The following NKAIN2 variants were observed in gnomAD, a reference collection of about 807,000 sequenced individuals.
NKAIN2 encodes the protein sodium/potassium transporting ATPase interacting 2, also known as sodium/potassium-transporting ATPase subunit beta-1-interacting protein 2.
Under a neutral mutation model 32.6 loss-of-function variants are expected in NKAIN2, and 14 were observed. The observed-to-expected ratio is 0.43, with a 90% CI of 0.28 to 0.67. The LOEUF is 0.67. Ranked by LOEUF, NKAIN2 falls within the 30% of genes least tolerant of loss-of-function variation. The pLI is 0.17. For synonymous variants in NKAIN2, 80 were observed against 87.2 expected, an observed-to-expected ratio of 0.92 and a Z score of 0.46; for missense variants, 198 against 258.3, an observed-to-expected ratio of 0.77 and a Z score of 1.60.
intron 1 of NKAIN2, among the ~76,000 whole-genome samples, chr6:124,202,023 C>T (rs1441693297): frequency 6.6e-6 from 1 of 151,842 alleles, no homozygotes; most frequent in Non-Finnish European, 1.5e-5. Context: ...TCTCAGACTA[C>T]CTGTAAAAGA....
chr6:124,249,199 T>A (rs1295599278), intron 1 of NKAIN2, among the ~76,000 whole-genome samples: 1 of 152,132 alleles, frequency 6.6e-6, no homozygotes, highest in Admixed American at 6.6e-5. Context: ...TTCAATGGAT[T>A]AGTCTAAGGT....
intron 1 of NKAIN2, among the ~76,000 whole-genome samples, chr6:123,806,526 G>A (rs1241320480): frequency 6.6e-6 from 1 of 152,012 alleles, no homozygotes; most frequent in Non-Finnish European, 1.5e-5. Context: ...TAGTTGCAAA[G>A]CCCTGCACTA....
At chr6:124,019,495 A>C (rs1780763375) in intron 1 of NKAIN2, among the ~76,000 whole-genome samples, 1 of 152,152 alleles carries the variant, frequency 6.6e-6, no homozygotes, top group African/African-American at 2.4e-5. Context: ...TCTGGCATTT[A>C]ATGTAAATTA....
intron 1 of NKAIN2, among the ~76,000 whole-genome samples, chr6:124,260,532 C>T (rs146186598): frequency 2.7e-3 from 411 of 152,152 alleles, no homozygotes; most frequent in African/African-American, 9.3e-3. Flanking sequence ...AGAATGCCTG[C>T]TGTGTTCAAG....
intron 3 of NKAIN2, among the ~76,000 whole-genome samples, chr6:124,523,253 G>T (rs1202691695): frequency 6.6e-6 from 1 of 151,628 alleles, no homozygotes; most frequent in Non-Finnish European, 1.5e-5. Context: ...CATGAGTTCA[G>T]AATTATGTTC....
At chr6:124,461,099 T>C (rs1776513544) in intron 3 of NKAIN2, among the ~76,000 whole-genome samples, 1 of 151,868 alleles carries the variant, frequency 6.6e-6, no homozygotes. Context: ...GAATTCTGTA[T>C]ACAAAGTTTT....
At chr6:124,414,464 C>T (rs773826064) in intron 3 of NKAIN2, among the ~76,000 whole-genome samples, 33 of 152,080 alleles carry the variant, frequency 2.2e-4, no homozygotes, top group South Asian at 1.5e-3. Flanking sequence ...CTATAATTTT[C>T]GTTACTTGTA....
chr6:123,882,271 A>G (rs1773489815), intron 1 of NKAIN2, among the ~76,000 whole-genome samples: 1 of 152,000 alleles, frequency 6.6e-6, no homozygotes, highest in South Asian at 2.1e-4. Context: ...TTTGGCCATT[A>G]ATTATGAAAA....
At chr6:124,200,616 T>C (rs1158174956) in intron 1 of NKAIN2, among the ~76,000 whole-genome samples, 1 of 152,132 alleles carries the variant, frequency 6.6e-6, no homozygotes, top group East Asian at 1.9e-4. Flanking sequence ...ATTTCACATA[T>C]GTATTGTCTT....
At chr6:124,679,008 G>A (rs1404363568) in intron 4 of NKAIN2, among the ~76,000 whole-genome samples, 3 of 151,868 alleles carry the variant, frequency 2.0e-5, no homozygotes, top group Non-Finnish European at 4.4e-5. Context: ...GTGCATGTCA[G>A]AAGTACCAAA....
intron 3 of NKAIN2, among the ~76,000 whole-genome samples, chr6:124,530,315 G>C (rs1411305350): frequency 1.3e-5 from 2 of 152,116 alleles, no homozygotes; most frequent in African/African-American, 4.8e-5. Context: ...TCATAAAGAA[G>C]AGAAAATATA....
At chr6:124,554,898 C>T (rs1474902980) in intron 3 of NKAIN2, among the ~76,000 whole-genome samples, 1 of 152,142 alleles carries the variant, frequency 6.6e-6, no homozygotes, top group Non-Finnish European at 1.5e-5. Flanking sequence ...GAAGTGTGGC[C>T]TTTCTGTGCA....
At chr6:124,282,230 G>T in intron 1 of NKAIN2, 1 of 338,600 alleles carries the variant, frequency 3.0e-6, no homozygotes. Context: ...TTATAGTTGT[G>T]AACACAGATG....
chr6:124,715,625 G>A (rs1242654577), intron 4 of NKAIN2, among the ~76,000 whole-genome samples: 1 of 152,186 alleles, frequency 6.6e-6, no homozygotes, highest in African/African-American at 2.4e-5. Flanking sequence ...GGACGAGCTT[G>A]GAGAATCAAG....
At chr6:124,239,750 T>G (rs1792972468) in intron 1 of NKAIN2, among the ~76,000 whole-genome samples, 1 of 152,080 alleles carries the variant, frequency 6.6e-6, no homozygotes, top group Non-Finnish European at 1.5e-5. Context: ...AAAGCAGTGT[T>G]TAGAGGGAAA....
intron 3 of NKAIN2, among the ~76,000 whole-genome samples, chr6:124,539,692 C>T (rs1221608179): frequency 1.3e-5 from 2 of 152,032 alleles, no homozygotes; most frequent in Non-Finnish European, 2.9e-5. Context: ...ATGTTGTAAT[C>T]AACCTTAAAT....
chr6:124,616,416 TTTTTTC>T (rs1304233693), intron 3 of NKAIN2, among the ~76,000 whole-genome samples: 3 of 144,354 alleles, frequency 2.1e-5, no homozygotes, highest in African/African-American at 7.6e-5. Flanking sequence ...TATTTTTTTC[TTTTTTC>T]TTTTTCTTTT....
At chr6:124,412,014 C>T (rs1368032261) in intron 3 of NKAIN2, among the ~76,000 whole-genome samples, 3 of 152,080 alleles carry the variant, frequency 2.0e-5, no homozygotes, top group Admixed American at 6.5e-5. Context: ...GTTCTCGTGC[C>T]GTGGTTTTCA....
At chr6:124,340,839 A>T (rs1191417872) in intron 2 of NKAIN2, among the ~76,000 whole-genome samples, 2 of 152,148 alleles carry the variant, frequency 1.3e-5, no homozygotes, top group East Asian at 3.8e-4. Flanking sequence ...GGACTATAGG[A>T]ATGTAAATAT....
Sources: allele counts gnomAD v4.1 joint callset (sites outside exome capture counted in the v4.1 genomes callset), GRCh38; gene constraint gnomAD v4.1.1; transcripts MANE v1.5; gene names NCBI Gene and HGNC (gene_info 2026-07-23, HGNC 2026-07-21).